PTK2: variants seen among roughly 807,000 people sequenced by gnomAD.
The protein encoded by PTK2 is focal adhesion kinase 1.
In PTK2, 45 loss-of-function variants were observed where a neutral mutation model predicts 150.1. That is an observed-to-expected ratio of 0.30 (90% CI 0.24 to 0.38). The LOEUF (loss-of-function observed/expected upper bound fraction) is 0.38. Ranked by LOEUF, PTK2 falls within the 10% of genes least tolerant of loss-of-function variation. The pLI is 1.00. For missense variants in PTK2, 919 were observed against 1,307.3 expected (o/e 0.70, Z 4.58); for synonymous variants, 432 against 449.2 (o/e 0.96, Z 0.48).
At chr8:140,707,250 G>T (rs2100034330) in intron 23 of PTK2, among the ~76,000 whole-genome samples, 1 of 152,110 alleles carries the variant, frequency 6.6e-6, no homozygotes, top group South Asian at 2.1e-4. Flanking sequence ...TGATAAAAAT[G>T]TTATAGGCTG....
At chr8:140,970,915 ACTTG>A (rs995788403) in intron 1 of PTK2, among the ~76,000 whole-genome samples, 4 of 152,210 alleles carry the variant, frequency 2.6e-5, no homozygotes, top group African/African-American at 9.6e-5. Flanking sequence ...AAAACAAAAA[ACTTG>A]CTTAAGACTA....
chr8:140,742,000 G>A (rs536669310), intron 20 of PTK2, among the ~76,000 whole-genome samples: 10 of 152,294 alleles, frequency 6.6e-5, no homozygotes, highest in African/African-American at 2.4e-4. Context: ...GCCAGGCATG[G>A]TGGCGCACGC....
chr8:140,942,299 T>C (rs2100176110), intron 1 of PTK2, among the ~76,000 whole-genome samples: 1 of 152,188 alleles, frequency 6.6e-6, no homozygotes, highest in South Asian at 2.1e-4. Context: ...ATATAAGAAA[T>C]AGCATTTTTA....
intron 15 of PTK2, among the ~76,000 whole-genome samples, chr8:140,763,947 C>A (rs2154550566): frequency 6.6e-6 from 1 of 152,030 alleles, no homozygotes. Flanking sequence ...TTTCTACAGA[C>A]AGAAAATACC....
chr8:140,866,680 G>A (rs989858652), intron 4 of PTK2, among the ~76,000 whole-genome samples: 2 of 152,196 alleles, frequency 1.3e-5, no homozygotes, highest in East Asian at 1.9e-4. Flanking sequence ...CTCGATAACT[G>A]TTTATTCCAG....
chr8:140,944,389 A>G lies in PTK2; in HGVS notation c.-121-18640T>C, dbSNP rs535140889. On this transcript the variant is annotated intron_variant, in intron 1 of 31. Transcript: ENST00000522684. ...CACTATTCTTCTCTCTGTTAAATGT[A>G]TGACTCCCAATTGTGCACTGTGGTT... Among the ~76,000 whole-genome samples the G allele has an allele frequency of 2.0e-5, 3 of 152,332 alleles. No individual in the cohort carries two copies. The South Asian group carries it at 6.2e-4, about 32-fold the overall frequency.
chr8:140,976,899 T>C (rs1047732922), intron 1 of PTK2, among the ~76,000 whole-genome samples: 5 of 152,324 alleles, frequency 3.3e-5, no homozygotes, highest in South Asian at 2.1e-4. Context: ...ACAACATTAA[T>C]TTCAAAGAAT....
At chr8:140,659,202 A>G in exon 32 of PTK2, 1 of 493,660 alleles carries the variant, frequency 2.0e-6, no homozygotes, top group Non-Finnish European at 3.6e-6. Context: ...AAGCTTACAT[A>G]TAATTTTCAT....
At chr8:140,844,809 G>A (rs2100124363) in intron 7 of PTK2, among the ~76,000 whole-genome samples, 1 of 152,076 alleles carries the variant, frequency 6.6e-6, no homozygotes, top group Admixed American at 6.5e-5. Flanking sequence ...TCATAACAGT[G>A]AAATAAACCA....
At chr8:140,824,955 G>A (rs2100110994) in intron 8 of PTK2, among the ~76,000 whole-genome samples, 1 of 152,148 alleles carries the variant, frequency 6.6e-6, no homozygotes, top group Non-Finnish European at 1.5e-5. Context: ...ATAAGAAACT[G>A]CTGCTATTCA....
intron 5 of PTK2, among the ~76,000 whole-genome samples, chr8:140,861,095 C>T (rs529925133): frequency 1.6e-4 from 24 of 152,302 alleles, no homozygotes; most frequent in African/African-American, 5.3e-4. Flanking sequence ...ACTCCCAGCA[C>T]TTTGGGAGGC....
chr8:140,932,914 C>A (rs2100172385), intron 1 of PTK2, among the ~76,000 whole-genome samples: 1 of 151,466 alleles, frequency 6.6e-6, no homozygotes, highest in Non-Finnish European at 1.5e-5. Context: ...TGCAGTGGGG[C>A]AATCTCGGCT....
chr8:140,879,695 A>AAAAAAAAAC, intron 3 of PTK2, 58 bp from the exon 4 acceptor site: 1 of 1,252,278 alleles, frequency 8.0e-7, no homozygotes, highest in Non-Finnish European at 1.0e-6. Flanking sequence ...AAAAAAAAAA[A>AAAAAAAAAC]AAAAAACCAA....
chr8:140,787,931 G>A (rs1370437493), intron 14 of PTK2, among the ~76,000 whole-genome samples: 1 of 152,206 alleles, frequency 6.6e-6, no homozygotes, highest in Non-Finnish European at 1.5e-5. Flanking sequence ...TTGATGCCCA[G>A]CAGTTGCTCC....
chr8:140,820,118 TA>T (rs1566993339), intron 8 of PTK2, among the ~76,000 whole-genome samples: 609 of 56,874 alleles, frequency 0.011, 166 homozygotes, highest in African/African-American at 0.034. Flanking sequence ...TTTTTTTTTT[TA>T]AATAGGGTCT....
At chr8:140,732,441 C>T (rs2100050013) in intron 22 of PTK2, 1 of 425,910 alleles carries the variant, frequency 2.3e-6, no homozygotes, top group Non-Finnish European at 4.6e-6. Flanking sequence ...GATAATTTAC[C>T]TCAGTGGAGC....
chr8:140,946,524 A>G (rs377505333), intron 1 of PTK2, among the ~76,000 whole-genome samples: 5 of 152,194 alleles, frequency 3.3e-5, no homozygotes, highest in East Asian at 1.9e-4. Flanking sequence ...AGAATGTAAA[A>G]GCTAAAATCA....
intron 8 of PTK2, among the ~76,000 whole-genome samples, chr8:140,822,931 T>C (rs2100109662): frequency 6.6e-6 from 1 of 152,338 alleles, no homozygotes; most frequent in Non-Finnish European, 1.5e-5. Context: ...AGTAAGTAAG[T>C]GGGAAGACAG....
At chr8:140,847,279 C>T (rs542292539) in intron 5 of PTK2, among the ~76,000 whole-genome samples, 241 of 152,238 alleles carry the variant, frequency 1.6e-3, no homozygotes, top group Non-Finnish European at 2.9e-3. Flanking sequence ...TTTCATCTAA[C>T]CATCAATTTT....
Sources: allele counts gnomAD v4.1 joint callset (sites outside exome capture counted in the v4.1 genomes callset), GRCh38; gene constraint gnomAD v4.1.1; transcripts MANE v1.5; gene names NCBI Gene and HGNC (gene_info 2026-07-23, HGNC 2026-07-21).